CNBD1: variants seen among roughly 807,000 people sequenced by gnomAD.
The protein encoded by CNBD1 is cyclic nucleotide-binding domain-containing protein 1.
Under a neutral mutation model 54.4 loss-of-function variants are expected in CNBD1, and 71 were observed. That is an observed-to-expected ratio of 1.30 (90% CI 1.08 to 1.59). CNBD1 has a LOEUF of 1.59. CNBD1 is among the 40% of genes most tolerant of loss of function. The pLI, the probability that CNBD1 is intolerant of heterozygous loss-of-function variation, is 0.00. For synonymous variants in CNBD1, 182 were observed against 170.7 expected, an observed-to-expected ratio of 1.07 and a Z score of -0.51; for missense variants, 659 against 518.0, an observed-to-expected ratio of 1.27 and a Z score of -2.64.
At chr8:86,873,935 TTACAA>T (rs1586102858) in intron 1 of CNBD1, among the ~76,000 whole-genome samples, 1 of 152,216 alleles carries the variant, frequency 6.6e-6, no homozygotes, top group African/African-American at 2.4e-5. Context: ...TGTTACATAA[TTACAA>T]TACAACTATC....
At chr8:86,896,140 A>G (rs758754558) in intron 2 of CNBD1, among the ~76,000 whole-genome samples, 1 of 152,140 alleles carries the variant, frequency 6.6e-6, no homozygotes, top group Non-Finnish European at 1.5e-5. Flanking sequence ...AAGGAAACAT[A>G]AAGGACCCCA....
intron 2 of CNBD1, among the ~76,000 whole-genome samples, chr8:87,393,443 A>T (rs1008508444): frequency 6.6e-6 from 1 of 151,948 alleles, no homozygotes; most frequent in Non-Finnish European, 1.5e-5. Context: ...AATTATTATT[A>T]GTCATTGCAT....
intron 4 of CNBD1, among the ~76,000 whole-genome samples, chr8:87,132,189 G>A (rs1017016143): frequency 8.6e-5 from 13 of 151,212 alleles, no homozygotes; most frequent in African/African-American, 3.2e-4. Context: ...ATTATACCTT[G>A]CTTCATATGT....
intron 3 of CNBD1, among the ~76,000 whole-genome samples, chr8:86,923,040 T>G (rs535911246): frequency 4.7e-4 from 71 of 152,156 alleles, no homozygotes; most frequent in African/African-American, 1.6e-3. Flanking sequence ...GCCTTGAGAG[T>G]GAGTTCTCCA....
intron 4 of CNBD1, among the ~76,000 whole-genome samples, chr8:87,187,603 A>G (rs1260791717): frequency 6.6e-6 from 1 of 152,126 alleles, no homozygotes; most frequent in African/African-American, 2.4e-5. Flanking sequence ...TGACAAAGAA[A>G]GCCCCTCAAG....
chr8:87,366,976 A>G (rs936316478), intron 10 of CNBD1, among the ~76,000 whole-genome samples: 4 of 152,034 alleles, frequency 2.6e-5, no homozygotes, highest in Non-Finnish European at 5.9e-5. Context: ...ATTTGCCTGT[A>G]ATTCCTTAAT....
chr8:87,332,943 A>G (rs2130911829), intron 8 of CNBD1, among the ~76,000 whole-genome samples: 2 of 152,260 alleles, frequency 1.3e-5, no homozygotes, highest in Middle Eastern at 6.8e-3. Context: ...ATAATATTGA[A>G]TATATAAATT....
intron 4 of CNBD1, among the ~76,000 whole-genome samples, chr8:87,021,919 AAC>A (rs1160610125): frequency 6.6e-6 from 1 of 152,216 alleles, no homozygotes; most frequent in African/African-American, 2.4e-5. Flanking sequence ...TGAGAGATAA[AAC>A]ACACAAATAT....
chr8:87,236,845 A>T, intron 5 of CNBD1, 74 bp from the exon 6 acceptor site: 1 of 795,350 alleles, frequency 1.3e-6, no homozygotes, highest in Non-Finnish European at 2.0e-6. Context: ...CGTAAGTGTA[A>T]TATATATATT....
At chr8:87,005,107 G>C (rs112585924) in intron 4 of CNBD1, among the ~76,000 whole-genome samples, 15 of 152,026 alleles carry the variant, frequency 9.9e-5, no homozygotes, top group African/African-American at 2.7e-4. Flanking sequence ...GTCTCAGCAG[G>C]GCACGGTGGC....
At position 87,277,483 on chromosome 8, in the gene CNBD1, C is replaced by T. The variant is rs138995146; in HGVS notation, c.772-7195C>T. Among the ~76,000 whole-genome samples the T allele has an allele frequency of 4.3e-3, 655 of 151,780 alleles. 5 individuals carry two copies. The highest frequency in any genetic ancestry group is 0.013 in the South Asian group (63 of 4,820). On this transcript the variant is annotated intron_variant, in intron 6 of 10. Transcript: ENST00000518476. ...ATATTTGGACACTCCGTGATCCAGTCAAATTGACACATAAAATGAACCATC... is the reference window on the plus strand; with the variant it reads ...ATATTTGGACACTCCGTGATCCAGTTAAATTGACACATAAAATGAACCATC...
intron 4 of CNBD1, among the ~76,000 whole-genome samples, chr8:87,050,313 T>C (rs1810286701): frequency 6.6e-6 from 1 of 152,224 alleles, no homozygotes; most frequent in Non-Finnish European, 1.5e-5. Context: ...TAAACCTAGG[T>C]ACTTCACTGA....
At chr8:86,890,889 T>G (rs1449456663) in intron 2 of CNBD1, among the ~76,000 whole-genome samples, 1 of 152,042 alleles carries the variant, frequency 6.6e-6, no homozygotes, top group African/African-American at 2.4e-5. Context: ...TGGCTATACA[T>G]ATGTCTTCTT....
chr8:87,141,777 G>T (rs1253649246), intron 4 of CNBD1, among the ~76,000 whole-genome samples: 1 of 152,006 alleles, frequency 6.6e-6, no homozygotes, highest in East Asian at 1.9e-4. Flanking sequence ...ACTCATAAAA[G>T]TTTTCATCTA....
intron 4 of CNBD1, among the ~76,000 whole-genome samples, chr8:87,170,766 A>C (rs531323800): frequency 6.6e-6 from 1 of 152,268 alleles, no homozygotes; most frequent in Non-Finnish European, 1.5e-5. Flanking sequence ...ATCGATTGAA[A>C]TGATCACATG....
chr8:87,162,187 A>G (rs1812870896), intron 4 of CNBD1, among the ~76,000 whole-genome samples: 3 of 152,136 alleles, frequency 2.0e-5, no homozygotes, highest in Admixed American at 1.3e-4. Context: ...AAAAAACTAA[A>G]TAGAGCATAG....
chr8:87,271,055 G>A (rs1344785200), intron 6 of CNBD1, among the ~76,000 whole-genome samples: 4 of 151,494 alleles, frequency 2.6e-5, no homozygotes, highest in African/African-American at 4.8e-5. Flanking sequence ...TGAATTTGTC[G>A]TTGTATAGTT....
intron 4 of CNBD1, among the ~76,000 whole-genome samples, chr8:87,005,625 A>G (rs1305752164): frequency 6.6e-6 from 1 of 151,976 alleles, no homozygotes; most frequent in Non-Finnish European, 1.5e-5. Context: ...TAGGATTATC[A>G]TGTGAAAAAT....
intron 10 of CNBD1, among the ~76,000 whole-genome samples, chr8:87,365,033 G>A (rs973332379): frequency 6.6e-6 from 1 of 152,024 alleles, no homozygotes; most frequent in Non-Finnish European, 1.5e-5. Flanking sequence ...GGATCAAATG[G>A]TAGTTCTTGT....
Sources: allele counts gnomAD v4.1 joint callset (sites outside exome capture counted in the v4.1 genomes callset), GRCh38; gene constraint gnomAD v4.1.1; transcripts MANE v1.5; gene names NCBI Gene and HGNC (gene_info 2026-07-23, HGNC 2026-07-21).